The following EPB41L4B variants were observed in gnomAD, a reference collection of about 807,000 sequenced individuals.
EPB41L4B encodes band 4.1-like protein 4B.
Under a neutral mutation model 112.5 loss-of-function variants are expected in EPB41L4B, and 30 were observed. The ratio of observed to expected loss-of-function variants is 0.27; its 90% CI spans 0.20 to 0.36. EPB41L4B has a LOEUF of 0.36. EPB41L4B is among the 10% of genes least tolerant of loss of function. EPB41L4B has a pLI of 1.00. For missense variants in EPB41L4B, 1,024 were observed against 1,133.3 expected (o/e 0.90, Z 1.38); for synonymous variants, 408 against 439.7 (o/e 0.93, Z 0.90).
intron 1 of EPB41L4B, among the ~76,000 whole-genome samples, chr9:109,289,519 G>A (rs1023176647): frequency 2.0e-5 from 3 of 152,240 alleles, no homozygotes; most frequent in African/African-American, 7.2e-5. Context: ...TGTGGATTAA[G>A]GAGAATCCTC....
chr9:109,176,671 T>G lies in EPB41L4B; in HGVS notation c.2513A>C (p.Gln838Pro). Residue 838 changes from glutamine to proline, a missense_variant, in exon 25 of 26, where the codon CAG becomes CCG. By Grantham distance (76) the Gln-to-Pro change is moderately conservative. Transcript: ENST00000374566. ...FTADFRDSKL[Q>P]CCPGPTSPLI... is the part of the protein sequence containing the mutation. Reference sequence around the variant, plus strand: ...CGGGGAAGTCGGGCCAGGACAGCACTGTAATTTACTGTCTCTGAAGTCTGC... The same window carrying G: ...CGGGGAAGTCGGGCCAGGACAGCACGGTAATTTACTGTCTCTGAAGTCTGC... The G allele has an allele frequency of 6.2e-7, 1 of 1,613,224 alleles. No homozygotes were observed. The highest frequency in any genetic ancestry group is 8.5e-7 in the Non-Finnish European group (1 of 1,179,826).
chr9:109,230,160 T>C (rs1332109643), intron 15 of EPB41L4B, among the ~76,000 whole-genome samples: 2 of 152,246 alleles, frequency 1.3e-5, no homozygotes, highest in East Asian at 3.9e-4. Flanking sequence ...CAACAACCAT[T>C]TGAAGAAAGG....
intron 1 of EPB41L4B, among the ~76,000 whole-genome samples, chr9:109,293,576 G>T (rs775300990): frequency 5.8e-4 from 88 of 151,724 alleles, no homozygotes; most frequent in Non-Finnish European, 1.1e-3. Context: ...TAGAGATGGG[G>T]TTTCTTCATG....
chr9:109,276,049 A>T (rs997800136), intron 2 of EPB41L4B, among the ~76,000 whole-genome samples: 7 of 148,076 alleles, frequency 4.7e-5, no homozygotes, highest in East Asian at 3.9e-4. Context: ...ATATATATAA[A>T]ATATATGTAT....
At chr9:109,303,819 T>A (rs1837072286) in intron 1 of EPB41L4B, among the ~76,000 whole-genome samples, 1 of 152,090 alleles carries the variant, frequency 6.6e-6, no homozygotes, top group Non-Finnish European at 1.5e-5. Context: ...TATTTTTTTT[T>A]AAAGGCACAG....
chr9:109,268,896 C>CAAAAAAAAAAAA (rs55646924), intron 2 of EPB41L4B, among the ~76,000 whole-genome samples: 1 of 106,752 alleles, frequency 9.4e-6, no homozygotes, highest in Non-Finnish European at 1.8e-5. Context: ...AACTCCGTCT[C>CAAAAAAAAAAAA]AAAAAAAAAA....
chr9:109,262,452 G>GGGGTGT (rs1554756265), intron 6 of EPB41L4B, among the ~76,000 whole-genome samples: 14 of 149,556 alleles, frequency 9.4e-5, no homozygotes, highest in Non-Finnish European at 1.6e-4. Context: ...TGTGTGTGGG[G>GGGGTGT]GTGTGTGTGT....
chr9:109,278,155 G>C (rs921895109), intron 2 of EPB41L4B, among the ~76,000 whole-genome samples: 2 of 152,180 alleles, frequency 1.3e-5, no homozygotes, highest in African/African-American at 2.4e-5. Context: ...GAGGTGGAAA[G>C]AGGAAAAGTT....
chr9:109,216,539 G>GTTATCTCAGCTACCTA (rs1187512414), intron 16 of EPB41L4B, among the ~76,000 whole-genome samples: 1 of 151,794 alleles, frequency 6.6e-6, no homozygotes, highest in African/African-American at 2.4e-5. Flanking sequence ...TACTCGGGAG[G>GTTATCTCAGCTACCTA]CTGAGGCAGG....
intron 15 of EPB41L4B, among the ~76,000 whole-genome samples, chr9:109,239,518 G>A (rs1275354038): frequency 1.3e-5 from 2 of 152,192 alleles, no homozygotes; most frequent in Non-Finnish European, 2.9e-5. Context: ...GGTGAAAAGA[G>A]CAGTGAGCAG....
intron 15 of EPB41L4B, among the ~76,000 whole-genome samples, chr9:109,234,881 A>G (rs1180812480): frequency 1.3e-5 from 2 of 152,178 alleles, no homozygotes; most frequent in African/African-American, 2.4e-5. Context: ...CAAAAACAAC[A>G]ACAAAATGGC....
At chr9:109,314,611 A>C (rs949072158) in intron 1 of EPB41L4B, among the ~76,000 whole-genome samples, 11 of 147,068 alleles carry the variant, frequency 7.5e-5, no homozygotes, top group African/African-American at 2.9e-4. Flanking sequence ...CCCTTTGGGA[A>C]GGGTGTTCAT....
chr9:109,188,073 A>G (rs147714361), intron 22 of EPB41L4B, among the ~76,000 whole-genome samples: 2 of 152,176 alleles, frequency 1.3e-5, no homozygotes, highest in Admixed American at 6.5e-5. Flanking sequence ...AGCTACATTC[A>G]TCTGTACATG....
rs1831700978 is a variant in EPB41L4B, at chr9:109,173,495, G to A, written c.*1059C>T. The stretch of plus-strand genomic sequence containing the variant: ...TAACTCAAATATCTAATAATGGGGT[G>A]AAGTGAGGTTACCCATGTTACATGG... On this transcript the variant is annotated 3_prime_UTR_variant, in exon 26 of 26. Coordinates refer to ENST00000374566, the MANE Select transcript of EPB41L4B (RefSeq NM_019114.5). 1.3e-5 allele frequency: 2 copies of A among 152,506 alleles called. No homozygotes were observed. The allele number at this position is 152,506 out of a possible 1,614,324, so 9.4% of individuals were successfully genotyped here. A position where few individuals can be genotyped will look rare whatever the true frequency, so the allele number is the denominator to read the frequency against.
chr9:109,265,638 C>A (rs1835375820), intron 4 of EPB41L4B, among the ~76,000 whole-genome samples: 1 of 152,040 alleles, frequency 6.6e-6, no homozygotes, highest in African/African-American at 2.4e-5. Context: ...GAGAAAGAAG[C>A]CAGCAAATAA....
At chr9:109,279,041 C>A (rs1835937427) in intron 2 of EPB41L4B, among the ~76,000 whole-genome samples, 1 of 152,136 alleles carries the variant, frequency 6.6e-6, no homozygotes, top group Non-Finnish European at 1.5e-5. Flanking sequence ...CCTGCTCCAA[C>A]CCCATCCACC....
At chr9:109,227,162 AAT>A (rs1235955366) in intron 15 of EPB41L4B, among the ~76,000 whole-genome samples, 1 of 152,094 alleles carries the variant, frequency 6.6e-6, no homozygotes, top group Non-Finnish European at 1.5e-5. Flanking sequence ...TTGTTCTACT[AAT>A]CTAATCCTAT....
intron 20 of EPB41L4B, among the ~76,000 whole-genome samples, chr9:109,199,952 GCC>G (rs1832765976): frequency 6.6e-6 from 1 of 152,146 alleles, no homozygotes; most frequent in Non-Finnish European, 1.5e-5. Context: ...GCTAAGCCAT[GCC>G]CCGACCCCCA....
Position 109,213,714 on chromosome 9 carries a change from T to C in EPB41L4B, c.1738A>G (p.Ile580Val). ...KAAGPWPPLH[I>V]NINKAEEKKV... ...GCCCTTGGCACCTTGTTTATGTTGATGTGCAGAGGAGGCCAGGGTCCAGCA... is the reference window on the plus strand; with the variant it reads ...GCCCTTGGCACCTTGTTTATGTTGACGTGCAGAGGAGGCCAGGGTCCAGCA... Residue 580 changes from isoleucine (I) to valine (V), a missense_variant, in exon 17 of 26, where the codon ATC (isoleucine) becomes GTC (valine). Coordinates refer to ENST00000374566, the MANE Select transcript of EPB41L4B (RefSeq NM_019114.5). The C allele has an allele frequency of 1.2e-6, 2 of 1,613,988 alleles. No homozygotes were observed. Among genetic ancestry groups the C allele is most frequent in the South Asian group, 1.1e-5 (1 of 91,066 alleles).
Sources: allele counts gnomAD v4.1 joint callset (sites outside exome capture counted in the v4.1 genomes callset), GRCh38; gene constraint gnomAD v4.1.1; transcripts MANE v1.5; gene names NCBI Gene and HGNC (gene_info 2026-07-23, HGNC 2026-07-21).